The following TP53BP1 variants were observed in gnomAD, a reference collection of about 807,000 sequenced individuals.
TP53BP1 encodes the protein tumor protein p53 binding protein 1, also known as TP53-binding protein 1.
Under a neutral mutation model 200.8 loss-of-function variants are expected in TP53BP1, and 61 were observed. The ratio of observed to expected loss-of-function variants is 0.30; its 90% CI spans 0.25 to 0.38. TP53BP1 has a LOEUF of 0.38. Ranked by LOEUF, TP53BP1 falls within the 10% of genes least tolerant of loss-of-function variation. The pLI is 1.00. For missense variants in TP53BP1, 2,144 were observed against 2,371.9 expected (o/e 0.90, Z 2.00); for synonymous variants, 822 against 844.3 (o/e 0.97, Z 0.46).
At position 43,432,429 on chromosome 15, in the gene TP53BP1, G is replaced by A. The variant is rs2045693225; in HGVS notation, c.3440C>T (p.Ala1147Val). The A allele has an allele frequency of 5.0e-6, 8 of 1,614,146 alleles. 1 individual carries two copies. The Middle Eastern group carries it at 1.2e-3, about 233-fold the overall frequency. The change falls in exon 17 of 28, where the codon GCC becomes GTC. Residue 1147 changes from alanine to valine, a missense_variant. Physicochemically the swap from Ala to Val is moderately conservative, Grantham distance 64. Coordinates refer to ENST00000382044, the MANE Select transcript of TP53BP1 (RefSeq NM_001141980.3). ...RSTNKENPSK[A>V]LIERPSQNNI... ...ATTTTGGCTGGGCCTTTCAATCAAG[G>A]CCTTACTAGGATTTTCCTTATTAGT... is the stretch of plus-strand genomic sequence containing the variant.
intron 10 of TP53BP1, among the ~76,000 whole-genome samples, chr15:43,473,967 A>G (rs2140104136): frequency 6.6e-6 from 1 of 152,268 alleles, no homozygotes; most frequent in Admixed American, 6.5e-5. Flanking sequence ...GAGCCCACGG[A>G]GGGGGTGGAA....
At position 43,456,830 on chromosome 15, in the gene TP53BP1, C is replaced by G. The variant is rs2046310035; in HGVS notation, c.1778G>C (p.Gly593Ala). The change falls in exon 12 of 28, where the codon GGA becomes GCA. Residue 593 changes from glycine (G) to alanine (A), a missense_variant. Physicochemically the swap from Gly to Ala is moderately conservative, Grantham distance 60. Coordinates refer to ENST00000382044, the MANE Select transcript of TP53BP1 (RefSeq NM_001141980.3). ...QLSQNDDKTKGDDTDTRDDIS... is the reference protein window; with the variant it reads ...QLSQNDDKTKADDTDTRDDIS... Reference sequence around the variant, plus strand: ...GTCATCCCTGGTGTCTGTATCATCTCCCTTTGTTTTGTCATCATTCTGACT... The same window carrying G: ...GTCATCCCTGGTGTCTGTATCATCTGCCTTTGTTTTGTCATCATTCTGACT... 6.2e-7 allele frequency: 1 copy of G among 1,613,852 alleles called. No homozygotes were observed. Among genetic ancestry groups the G allele is most frequent in the South Asian group, 1.1e-5 (1 of 91,082 alleles).
At chr15:43,452,652 A>T (rs148092284) in intron 12 of TP53BP1, among the ~76,000 whole-genome samples, 26 of 152,298 alleles carry the variant, frequency 1.7e-4, no homozygotes, top group African/African-American at 6.0e-4. Flanking sequence ...ACTTCTCCTC[A>T]TAAATACTAT....
intron 10 of TP53BP1, 143 bp downstream of exon 10, chr15:43,474,530 T>A: frequency 2.1e-6 from 1 of 466,822 alleles, no homozygotes; most frequent in Non-Finnish European, 3.8e-6. Flanking sequence ...GTCACATCCC[T>A]AAAGGTTAGA....
intron 4 of TP53BP1, among the ~76,000 whole-genome samples, chr15:43,487,510 T>C (rs1466244384): frequency 2.6e-5 from 4 of 152,056 alleles, no homozygotes; most frequent in South Asian, 2.1e-4. Flanking sequence ...CCTGTACATA[T>C]GGCCGGGCAC....
intron 4 of TP53BP1, among the ~76,000 whole-genome samples, chr15:43,484,684 T>C (rs1459977233): frequency 1.3e-5 from 2 of 152,132 alleles, no homozygotes; most frequent in African/African-American, 4.8e-5. Context: ...TCAGGGTCTT[T>C]GAACTTGCCA....
At chr15:43,486,438 T>C (rs1380988122) in intron 4 of TP53BP1, among the ~76,000 whole-genome samples, 2 of 152,152 alleles carry the variant, frequency 1.3e-5, no homozygotes, top group East Asian at 3.8e-4. Context: ...CATCTTTCAT[T>C]ATCAGAACTC....
Position 43,501,260 on chromosome 15 carries a change from G to A in TP53BP1, c.-8-8792C>T, listed in dbSNP as rs141946580. On this transcript the variant is annotated intron_variant, in intron 1 of 27. Coordinates refer to the TP53BP1 transcript ENST00000263801. ...TCTGTGGCCGAGGCTAGAGTGCAAT[G>A]GCTTGATCATAGCTCACCACAGCCT... Among the ~76,000 whole-genome samples the A allele has an allele frequency of 5.2e-3, 788 of 150,848 alleles. 5 individuals are homozygous for A. The highest frequency in any genetic ancestry group is 0.015 in the South Asian group (72 of 4,784).
chr15:43,413,951 A>G, intron 23 of TP53BP1: 1 of 363,328 alleles, frequency 2.8e-6, no homozygotes, highest in Admixed American at 4.2e-5. Context: ...CCTCAACTGA[A>G]TTAGTTTTCA....
At chr15:43,451,372 C>G (rs2046165578) in intron 12 of TP53BP1, among the ~76,000 whole-genome samples, 1 of 143,474 alleles carries the variant, frequency 7.0e-6, no homozygotes, top group Admixed American at 7.3e-5. Context: ...GTGTGATGTT[C>G]CCCTTCCTGT....
At chr15:43,510,524 A>AC (rs2079267745) in exon 1 of TP53BP1, 1 of 154,602 alleles carries the variant, frequency 6.5e-6, no homozygotes, top group Non-Finnish European at 1.4e-5. Flanking sequence ...AAAAAAAAAA[A>AC]CACGCCAAAC....
intron 12 of TP53BP1, among the ~76,000 whole-genome samples, chr15:43,451,765 C>T (rs1473507241): frequency 2.0e-5 from 3 of 152,242 alleles, no homozygotes; most frequent in African/African-American, 4.8e-5. Context: ...GCCACAGTGA[C>T]TTCCACAATG....
At chr15:43,407,839 A>G (rs758821685) in intron 27 of TP53BP1, 104 bp downstream of exon 27, 7 of 1,193,758 alleles carry the variant, frequency 5.9e-6, no homozygotes, top group Non-Finnish European at 5.9e-6. Context: ...AGAAACATGG[A>G]TACGGTCAAC....
At chr15:43,426,737 G>C (rs911723355) in intron 18 of TP53BP1, among the ~76,000 whole-genome samples, 1 of 151,896 alleles carries the variant, frequency 6.6e-6, no homozygotes, top group Non-Finnish European at 1.5e-5. Flanking sequence ...GCCTTGCCGG[G>C]CGCGGTGGCT....
intron 19 of TP53BP1, chr15:43,421,569 TG>T (rs1595532881): frequency 3.8e-6 from 2 of 529,578 alleles, no homozygotes; most frequent in East Asian, 6.6e-5. Context: ...ATAAAGGCTG[TG>T]GTAGAAGCAG....
At chr15:43,442,815 CTTTTTTTTTTT>C (rs71111818) in intron 14 of TP53BP1, among the ~76,000 whole-genome samples, 5 of 61,034 alleles carry the variant, frequency 8.2e-5, no homozygotes, top group African/African-American at 1.7e-4. Context: ...CAGTAATATT[CTTTTTTTTTTT>C]TTTTTTTTTT....
intron 1 of TP53BP1, chr15:43,510,272 T>C (rs1173735863): frequency 1.3e-5 from 2 of 151,880 alleles, no homozygotes; most frequent in African/African-American, 2.4e-5. Context: ...TTTACTCAAA[T>C]CCCCCTTGCT....
intron 11 of TP53BP1, among the ~76,000 whole-genome samples, chr15:43,469,130 T>C (rs1039648004): frequency 6.6e-6 from 1 of 152,228 alleles, no homozygotes; most frequent in Non-Finnish European, 1.5e-5. Context: ...TTAGATTGAA[T>C]ATATAATAGT....
chr15:43,497,865 T>C (rs1156844455), upstream of TP53BP1, among the ~76,000 whole-genome samples: 1 of 152,240 alleles, frequency 6.6e-6, no homozygotes, highest in African/African-American at 2.4e-5. Context: ...CACTTAAAAA[T>C]GGTTATAATG....
Sources: allele counts gnomAD v4.1 joint callset (sites outside exome capture counted in the v4.1 genomes callset), GRCh38; gene constraint gnomAD v4.1.1; transcripts MANE v1.5; gene names NCBI Gene and HGNC (gene_info 2026-07-23, HGNC 2026-07-21).